The following PXK variants were observed in gnomAD, a reference collection of about 807,000 sequenced individuals.
The protein encoded by PXK is PX domain containing serine/threonine kinase like, also known as PX domain-containing protein kinase-like protein.
A neutral mutation model predicts 84.7 loss-of-function variants in PXK; 35 were observed. That is an observed-to-expected ratio of 0.41 (90% CI 0.32 to 0.55). PXK has a LOEUF of 0.55. Ranked by LOEUF, PXK falls within the 20% of genes least tolerant of loss-of-function variation. The probability of loss-of-function intolerance (pLI) is 0.21; values close to 1 mark genes in which losing one functional copy is unlikely to be tolerated. For missense variants in PXK, 634 were observed against 699.7 expected, an observed-to-expected ratio of 0.91 and a Z score of 1.06; for synonymous variants, 253 against 260.8, an observed-to-expected ratio of 0.97 and a Z score of 0.29.
intron 1 of PXK, among the ~76,000 whole-genome samples, chr3:58,340,065 G>A (rs112008837): frequency 0.12 from 17,419 of 150,696 alleles, 1,435 homozygotes; most frequent in African/African-American, 0.22. Flanking sequence ...TGATCCACCC[G>A]CCTTGGCCTC....
chr3:58,421,111 A>C lies in PXK; in HGVS notation c.1529-3641A>C. 1.0e-6 allele frequency: 1 copy of C among 985,364 alleles called. No homozygotes were observed. The allele number at this position is 985,364 out of a possible 1,614,324, so 61.0% of individuals were successfully genotyped here. A position where few individuals can be genotyped will look rare whatever the true frequency, so the allele number is the denominator to read the frequency against. ...GCCAAAGGAGAAGGTGGTTCTCCCGAGAGCTGGGGGCTTGCCTGCTTCGGT... is the reference window on the plus strand; with the variant it reads ...GCCAAAGGAGAAGGTGGTTCTCCCGCGAGCTGGGGGCTTGCCTGCTTCGGT... On this transcript the variant is annotated intron_variant, in intron 17 of 17. Transcript: ENST00000356151. The surrounding 1 kb of genome is among the most constrained non-coding windows in gnomAD (Gnocchi z 5.5).
Position 58,390,690 on chromosome 3 carries a change from A to G in PXK, c.466+31A>G, listed in dbSNP as rs1366459349. 6.3e-7 allele frequency: 1 copy of G among 1,586,960 alleles called. No homozygotes were observed. Among genetic ancestry groups the G allele is most frequent in the African/African-American group, 1.3e-5 (1 of 74,366 alleles). On this transcript the variant is annotated intron_variant, in intron 5 of 17. Transcript: ENST00000356151. The surrounding 1 kb of genome is among the most constrained non-coding windows in gnomAD (Gnocchi z 4.2). ...ACATTGGCACGCTCATTCTGTTAAA[A>G]AGACAGATCACAGAACTGGATCCTT...
intron 1 of PXK, among the ~76,000 whole-genome samples, chr3:58,352,294 T>A (rs1056584209): frequency 1.3e-5 from 2 of 152,180 alleles, no homozygotes; most frequent in Admixed American, 1.3e-4. Context: ...CGCTTCAGTC[T>A]CCAGCAGGTA....
rs752321202 is a variant in PXK, at chr3:58,382,688, G to T, written c.376G>T (p.Ala126Ser). The T allele has an allele frequency of 7.6e-6, 12 of 1,571,022 alleles. No individual in the cohort carries two copies. Among genetic ancestry groups the T allele is most frequent in the East Asian group, 4.6e-5 (2 of 43,024 alleles). Reference sequence around the variant, plus strand: ...GTTTTTAGATCCAAACAACTATTCCGCAAACTATACTGGTAAGCGAAGGAA... The same window carrying T: ...GTTTTTAGATCCAAACAACTATTCCTCAAACTATACTGGTAAGCGAAGGAA... Reference protein sequence around the residue: ...KKFLDPNNYSANYTEIALQQV... With the variant: ...KKFLDPNNYSSNYTEIALQQV... The change falls in exon 4 of 18, where the codon GCA (alanine) becomes TCA (serine). Residue 126 changes from alanine (A) to serine (S), a missense_variant. By Grantham distance (99) the Ala-to-Ser change is moderately conservative. Transcript: ENST00000356151.
intron 4 of PXK, among the ~76,000 whole-genome samples, chr3:58,384,097 T>C (rs759683254): frequency 1.5e-4 from 23 of 152,206 alleles, no homozygotes; most frequent in Admixed American, 2.6e-4. Flanking sequence ...GCTTGTAGTC[T>C]GTAAAGCTTC....
chr3:58,422,181 A>T (rs1390243805), intron 17 of PXK: 1 of 985,270 alleles, frequency 1.0e-6, no homozygotes, highest in African/African-American at 1.7e-5. Flanking sequence ...GAAAAGCCAA[A>T]AACAATCAAT....
At position 58,385,250 on chromosome 3, in the gene PXK, A is replaced by C. The variant is rs1359003907; in HGVS notation, c.388+2550A>C. Among the ~76,000 whole-genome samples the C allele has an allele frequency of 6.6e-6, 1 of 152,216 alleles. No homozygotes were observed. The highest frequency in any genetic ancestry group is 1.5e-5 in the Non-Finnish European group (1 of 68,042). ...CTGTGCTGGCTGCTATTCAGAGGGC[A>C]CAATCCCGGAATTAAACAATAGGTG... is the stretch of plus-strand genomic sequence containing the variant. On this transcript the variant is annotated intron_variant, in intron 4 of 17. Coordinates refer to ENST00000356151, the MANE Select transcript of PXK (RefSeq NM_017771.5). The surrounding 1 kb of genome is among the most constrained non-coding windows in gnomAD (Gnocchi z 5.1).
rs1247846073 is a variant in PXK, at chr3:58,400,768, T to C, written c.1181+1391T>C. 6.6e-6 allele frequency among the ~76,000 whole-genome samples: 1 copy of C among 151,950 alleles called. No individual in the cohort carries two copies. The highest frequency in any genetic ancestry group is 6.6e-5 in the Admixed American group (1 of 15,246). On this transcript the variant is annotated intron_variant, in intron 12 of 17. Coordinates refer to ENST00000356151, the MANE Select transcript of PXK (RefSeq NM_017771.5). The surrounding 1 kb of genome is among the most constrained non-coding windows in gnomAD (Gnocchi z 4.0). ...TCTCTACTAAGAAAATATAAAAAAT[T>C]AGCTGGGCATGGTGGCACACTCCTG...
chr3:58,401,014 T>C lies in PXK; in HGVS notation c.1181+1637T>C, dbSNP rs1412030490. Among the ~76,000 whole-genome samples the C allele has an allele frequency of 2.6e-5, 4 of 152,192 alleles. No individual in the cohort carries two copies. Among genetic ancestry groups the C allele is most frequent in the Non-Finnish European group, 4.4e-5 (3 of 68,030 alleles). ...GCAAAATGCACTTGTACTTAGGAAA[T>C]AGCCTATATACAGGTTGATTTACTT... On this transcript the variant is annotated intron_variant, in intron 12 of 17. Coordinates refer to ENST00000356151, the MANE Select transcript of PXK (RefSeq NM_017771.5). This position sits in a 1 kb window ranked among gnomAD's most constrained non-coding sequence, Gnocchi z 4.4.
In PXK at chr3:58,410,226, C is replaced by A; in HGVS notation, c.1465+67C>A. The A allele has an allele frequency of 3.2e-6, 4 of 1,246,958 alleles. No individual in the cohort carries two copies. The South Asian group carries it at 3.7e-5, about 11-fold the overall frequency. The allele number at this position is 1,246,958 out of a possible 1,614,324, so 77.2% of individuals were successfully genotyped here. A position where few individuals can be genotyped will look rare whatever the true frequency, so the allele number is the denominator to read the frequency against. ...TCAGGATCAGGAGTCTCTAGTTGGT[C>A]AAGAGGTCTTGAGTTCTGCTGGCCA... On this transcript the variant is annotated intron_variant, in intron 16 of 17. Transcript: ENST00000356151.
At position 58,399,281 on chromosome 3, in the gene PXK, G is replaced by A; in HGVS notation, c.1103-18G>A. The A allele has an allele frequency of 1.2e-6, 2 of 1,611,274 alleles. No homozygotes were observed. The highest frequency in any genetic ancestry group is 1.7e-6 in the Non-Finnish European group (2 of 1,177,432). ...AGCGTGTTCTGTGGAACTAAAATGT[G>A]TATCTGTTCATTTCAAGTGGCCGTG... On this transcript the variant is annotated intron_variant, in intron 11 of 17. Coordinates refer to ENST00000356151, the MANE Select transcript of PXK (RefSeq NM_017771.5). The surrounding 1 kb of genome is among the most constrained non-coding windows in gnomAD (Gnocchi z 4.3).
rs1368039640 is a variant in PXK at position 58,425,274 on chromosome 3, A to T, written c.*314A>T. 1.0e-5 allele frequency: 3 copies of T among 300,964 alleles called. No individual in the cohort carries two copies. The highest frequency in any genetic ancestry group is 1.3e-5 in the Non-Finnish European group (2 of 157,232). The allele number at this position is 300,964 out of a possible 1,614,324, so 18.6% of individuals were successfully genotyped here. A position where few individuals can be genotyped will look rare whatever the true frequency, so the allele number is the denominator to read the frequency against. On this transcript the variant is annotated 3_prime_UTR_variant, in exon 18 of 18. Coordinates refer to ENST00000356151, the MANE Select transcript of PXK (RefSeq NM_017771.5). Reference sequence around the variant, plus strand: ...TTCACCAACTAAAGGAAATAGACAGAAAAACAATGACAATATTCAATCACA... The same window carrying T: ...TTCACCAACTAAAGGAAATAGACAGTAAAACAATGACAATATTCAATCACA...
chr3:58,405,084 C>T (rs1403248064), intron 13 of PXK, among the ~76,000 whole-genome samples: 1 of 152,146 alleles, frequency 6.6e-6, no homozygotes, highest in African/African-American at 2.4e-5. Flanking sequence ...AGCCAGAGAG[C>T]CTATGCAGCA....
chr3:58,422,177 C>T, intron 17 of PXK: 2 of 985,374 alleles, frequency 2.0e-6, no homozygotes, highest in Non-Finnish European at 2.4e-6. Context: ...AAAGGAAAAG[C>T]CAAAAACAAT....
chr3:58,371,637 C>G (rs1230407811), intron 3 of PXK, among the ~76,000 whole-genome samples: 1 of 152,186 alleles, frequency 6.6e-6, no homozygotes. Flanking sequence ...CTCTCATTTA[C>G]TCATACTTTG....
intron 2 of PXK, among the ~76,000 whole-genome samples, chr3:58,366,737 A>G (rs547799425): frequency 6.6e-6 from 1 of 152,236 alleles, no homozygotes; most frequent in South Asian, 2.1e-4. Flanking sequence ...TCTATTGAGC[A>G]TGTATTAAGT....
In PXK at chr3:58,383,181, A is replaced by G. The variant is rs533813958; in HGVS notation, c.388+481A>G. Among the ~76,000 whole-genome samples the G allele has an allele frequency of 3.3e-5, 5 of 152,132 alleles. No homozygotes were observed. Among genetic ancestry groups the G allele is most frequent in the Non-Finnish European group, 7.4e-5 (5 of 68,000 alleles). ...GTGGCACATGCCTGTAATCCTAGCTACTCGGGAGGCTGAGGCAGGAGAATC... is the reference window on the plus strand; with the variant it reads ...GTGGCACATGCCTGTAATCCTAGCTGCTCGGGAGGCTGAGGCAGGAGAATC... On this transcript the variant is annotated intron_variant, in intron 4 of 17. Coordinates refer to ENST00000356151, the MANE Select transcript of PXK (RefSeq NM_017771.5). This position sits in a 1 kb window ranked among gnomAD's most constrained non-coding sequence, Gnocchi z 4.0.
intron 1 of PXK, among the ~76,000 whole-genome samples, chr3:58,352,850 C>T (rs529641903): frequency 3.7e-4 from 57 of 152,174 alleles, no homozygotes; most frequent in African/African-American, 5.5e-4. Flanking sequence ...CATCCCACAG[C>T]GGAGAGTGTA....
chr3:58,349,270 T>G (rs1158780280), intron 1 of PXK, among the ~76,000 whole-genome samples: 1 of 152,038 alleles, frequency 6.6e-6, no homozygotes, highest in Non-Finnish European at 1.5e-5. Context: ...AATGTGTTGT[T>G]ATGGAGAGAG....
Sources: gnomAD v4.1 joint callset for allele counts (sites outside exome capture counted in the v4.1 genomes callset) on GRCh38, gnomAD v4.1.1 for gene constraint, Gnocchi (gnomAD v3.1) non-coding constraint, MANE v1.5 for transcripts, NCBI Gene and HGNC (gene_info 2026-07-23, HGNC 2026-07-21) for gene names.